Variants in ARHGAP29 observed in about 807,000 individuals in gnomAD.
ARHGAP29 encodes the protein rho GTPase-activating protein 29.
ARHGAP29 carries 43 observed loss-of-function variants against 122.6 expected under a neutral mutation model. That is an observed-to-expected ratio of 0.35 (90% CI 0.27 to 0.45). The LOEUF (loss-of-function observed/expected upper bound fraction) is 0.45. Among genes scored for constraint, ARHGAP29 ranks in the 20% least tolerant of loss-of-function variants. ARHGAP29 has a pLI of 1.00. For synonymous variants in ARHGAP29, 506 were observed against 497.1 expected (o/e 1.02, Z -0.24); for missense variants, 1,303 against 1,477.2 (o/e 0.88, Z 1.93).
chr1:94,308,564 C>T, the ARHGAP29 span, among the ~76,000 whole-genome samples: 1 of 152,198 alleles, frequency 6.6e-6, no homozygotes, highest in African/African-American at 2.4e-5. Flanking sequence ...GCTAAAAATA[C>T]CCAAGCCAAG....
chr1:94,220,972 C>T (rs1652258605), intron 2 of ARHGAP29, among the ~76,000 whole-genome samples: 1 of 152,206 alleles, frequency 6.6e-6, no homozygotes, highest in East Asian at 1.9e-4. Flanking sequence ...GGCCACATTC[C>T]TCCTTGGCCA....
At chr1:94,263,526 C>A (rs1479502654) in intron 1 of ARHGAP29, among the ~76,000 whole-genome samples, 1 of 152,128 alleles carries the variant, frequency 6.6e-6, no homozygotes, top group Non-Finnish European at 1.5e-5. Context: ...CATGAGGAGG[C>A]AGAGCCCTTC....
At chr1:94,305,693 T>TA in the ARHGAP29 span, among the ~76,000 whole-genome samples, 4 of 152,088 alleles carry the variant, frequency 2.6e-5, no homozygotes, top group African/African-American at 9.7e-5. Context: ...TATTTTGAGG[T>TA]AAAATTGACT....
chr1:94,212,841 T>C (rs1651725552), intron 3 of ARHGAP29, among the ~76,000 whole-genome samples: 1 of 152,218 alleles, frequency 6.6e-6, no homozygotes, highest in Admixed American at 6.5e-5. Context: ...GAAAAGTCTT[T>C]GGCTCCTTTC....
At chr1:94,198,355 G>A (rs1481588019) in intron 12 of ARHGAP29, among the ~76,000 whole-genome samples, 1 of 152,028 alleles carries the variant, frequency 6.6e-6, no homozygotes, top group Non-Finnish European at 1.5e-5. Context: ...GCATGCACGT[G>A]TAGTCTTAGC....
chr1:94,184,059 A>G (rs552382590), intron 19 of ARHGAP29, 92 bp downstream of exon 19: 16 of 1,420,692 alleles, frequency 1.1e-5, no homozygotes, highest in Non-Finnish European at 1.6e-5. Context: ...TGCCAATGAA[A>G]AAACATGTGT....
At chr1:94,303,611 A>C in the ARHGAP29 span, among the ~76,000 whole-genome samples, 37 of 152,364 alleles carry the variant, frequency 2.4e-4, no homozygotes, top group African/African-American at 8.2e-4. Context: ...GAAGTGACAT[A>C]AGGGTTAAAT....
the ARHGAP29 span, among the ~76,000 whole-genome samples, chr1:94,282,147 C>T: frequency 6.6e-6 from 1 of 152,012 alleles, no homozygotes; most frequent in Admixed American, 6.5e-5. Flanking sequence ...AGAATCTGAT[C>T]TTGTAAGTCT....
chr1:94,293,981 G>A, the ARHGAP29 span, among the ~76,000 whole-genome samples: 1 of 152,172 alleles, frequency 6.6e-6, no homozygotes, highest in Non-Finnish European at 1.5e-5. Context: ...CTGGTGACCA[G>A]CCTCCAACCA....
upstream of ARHGAP29, among the ~76,000 whole-genome samples, chr1:94,278,769 A>G (rs1655265153): frequency 6.6e-6 from 1 of 152,232 alleles, no homozygotes; most frequent in Non-Finnish European, 1.5e-5. Flanking sequence ...ATTTCAAGCC[A>G]TATAAAATCC....
chr1:94,210,479 A>G (rs1651516206), intron 3 of ARHGAP29, among the ~76,000 whole-genome samples: 1 of 152,210 alleles, frequency 6.6e-6, no homozygotes. Flanking sequence ...AGTGAATTAA[A>G]CTTCAAGCCT....
At chr1:94,195,101 C>T (rs1008750216) in intron 12 of ARHGAP29, 2 of 152,074 alleles carry the variant, frequency 1.3e-5, no homozygotes, top group Admixed American at 1.3e-4. Context: ...GGAAGCTGGC[C>T]AGGAGTGGTT....
intron 1 of ARHGAP29, among the ~76,000 whole-genome samples, chr1:94,242,964 T>A (rs143881712): frequency 1.3e-5 from 2 of 152,094 alleles, no homozygotes; most frequent in African/African-American, 4.8e-5. Flanking sequence ...AAGCAACATT[T>A]CATAATGATA....
chr1:94,272,529 G>A (rs1655031693), intron 1 of ARHGAP29, among the ~76,000 whole-genome samples: 1 of 152,174 alleles, frequency 6.6e-6, no homozygotes, highest in East Asian at 1.9e-4. Flanking sequence ...TTCACTTCAA[G>A]GTCACAGTCT....
At chr1:94,211,396 T>C (rs1056826056) in intron 3 of ARHGAP29, among the ~76,000 whole-genome samples, 1 of 150,408 alleles carries the variant, frequency 6.6e-6, no homozygotes, top group Non-Finnish European at 1.5e-5. Context: ...ACACATAAAT[T>C]CACAGTTGTA....
chr1:94,311,143 C>G, the ARHGAP29 span, among the ~76,000 whole-genome samples: 1 of 152,180 alleles, frequency 6.6e-6, no homozygotes, highest in Admixed American at 6.5e-5. Context: ...AGAGAAGCCT[C>G]TCTTGGAGAG....
chr1:94,179,977 T>C lies in ARHGAP29; in HGVS notation c.2248-20A>G. The C allele has an allele frequency of 2.0e-6, 3 of 1,534,978 alleles. No homozygotes were observed. Among genetic ancestry groups the C allele is most frequent in the South Asian group, 1.2e-5 (1 of 83,838 alleles). ...TGGGAGCTAAAGAAATAAAATTACA[T>C]TGGGGTAAGCATTCTATTTTTTTCT... On this transcript the variant is annotated intron_variant, in intron 19 of 22. Coordinates refer to ENST00000260526, the MANE Select transcript of ARHGAP29 (RefSeq NM_004815.4).
At chr1:94,181,774 T>C (rs75714743) in intron 19 of ARHGAP29, among the ~76,000 whole-genome samples, 2,033 of 152,196 alleles carry the variant, frequency 0.013, 47 homozygotes, top group African/African-American at 0.047. Flanking sequence ...ACATAAAGGT[T>C]TAGGACTGTG....
chr1:94,258,882 C>CA (rs1654459907), intron 1 of ARHGAP29, among the ~76,000 whole-genome samples: 1 of 152,132 alleles, frequency 6.6e-6, no homozygotes, highest in East Asian at 1.9e-4. Context: ...AGACTTGACT[C>CA]AAAAAACCCA....
Sources: gnomAD v4.1 joint callset for allele counts (sites outside exome capture counted in the v4.1 genomes callset) on GRCh38, gnomAD v4.1.1 for gene constraint, MANE v1.5 for transcripts, NCBI Gene and HGNC (gene_info 2026-07-23, HGNC 2026-07-21) for gene names.